Variants in GALNT13 observed in about 807,000 individuals in gnomAD.
GALNT13 encodes the protein UDP-GalNAc:polypeptide N-acetylgalactosaminyltransferase 13.
In GALNT13, 28 loss-of-function variants were observed where a neutral mutation model predicts 64.2. That is an observed-to-expected ratio of 0.44 (90% CI 0.32 to 0.60). The LOEUF (loss-of-function observed/expected upper bound fraction) is 0.60, where lower values mean the gene tolerates loss of function less well. Ranked by LOEUF, GALNT13 falls within the 20% of genes least tolerant of loss-of-function variation. GALNT13 has a pLI of 0.05. For missense variants in GALNT13, 577 were observed against 669.8 expected, an observed-to-expected ratio of 0.86 and a Z score of 1.53; for synonymous variants, 214 against 224.6, an observed-to-expected ratio of 0.95 and a Z score of 0.42.
the GALNT13 span, among the ~76,000 whole-genome samples, chr2:153,507,217 G>A: frequency 0.088 from 13,285 of 151,428 alleles, 834 homozygotes; most frequent in Non-Finnish European, 0.12. Context: ...TTTTTTATTC[G>A]TTATTTCACT....
the GALNT13 span, among the ~76,000 whole-genome samples, chr2:153,329,525 T>A: frequency 6.6e-6 from 1 of 152,204 alleles, no homozygotes; most frequent in Admixed American, 6.5e-5. Context: ...CTCTGATGAT[T>A]ACTGATGCTG....
chr2:153,754,927 T>C, the GALNT13 span, among the ~76,000 whole-genome samples: 1 of 152,134 alleles, frequency 6.6e-6, no homozygotes, highest in Non-Finnish European at 1.5e-5. Flanking sequence ...CCTCCATGGG[T>C]GGATGCCAGC....
chr2:154,303,322 C>T (rs1021118645), intron 9 of GALNT13, among the ~76,000 whole-genome samples: 1 of 151,968 alleles, frequency 6.6e-6, no homozygotes, highest in Admixed American at 6.6e-5. Flanking sequence ...GGATCAGGTG[C>T]GCCCTTTACA....
Position 154,052,500 on chromosome 2 carries a change from AT to A in GALNT13, c.143-87829del, listed in dbSNP as rs529029892. On this transcript the variant is annotated intron_variant, in intron 3 of 12. Coordinates refer to ENST00000392825, the MANE Select transcript of GALNT13 (RefSeq NM_052917.4). Reference sequence around the variant, plus strand: ...CTTAGAATTTTGTGTTTCTTTTACTATTTTTTTTCATTTTTCATTGAATCAC... The same window carrying A: ...CTTAGAATTTTGTGTTTCTTTTACTATTTTTTTCATTTTTCATTGAATCAC... Among the ~76,000 whole-genome samples the A allele has an allele frequency of 2.0e-3, 300 of 151,138 alleles. 2 individuals carry two copies. The highest frequency in any genetic ancestry group is 6.5e-3 in the African/African-American group (266 of 41,206).
intron 3 of GALNT13, among the ~76,000 whole-genome samples, chr2:153,974,537 A>G (rs1318791520): frequency 6.6e-6 from 1 of 152,104 alleles, no homozygotes; most frequent in East Asian, 1.9e-4. Flanking sequence ...AAAGTAGGCA[A>G]AATTATTTTG....
chr2:154,102,250 C>G (rs940030283), intron 3 of GALNT13, among the ~76,000 whole-genome samples: 5 of 152,052 alleles, frequency 3.3e-5, no homozygotes, highest in Non-Finnish European at 7.4e-5. Flanking sequence ...CTTCTACAAC[C>G]ACAGCTAGTG....
the GALNT13 span, among the ~76,000 whole-genome samples, chr2:153,485,966 T>C: frequency 6.6e-6 from 1 of 152,240 alleles, no homozygotes; most frequent in South Asian, 2.1e-4. Context: ...TCCAAGAGTC[T>C]TTCTCTGTCA....
the GALNT13 span, among the ~76,000 whole-genome samples, chr2:153,736,733 T>C: frequency 6.6e-6 from 1 of 152,206 alleles, no homozygotes; most frequent in South Asian, 2.1e-4. Flanking sequence ...GGGTTCATTT[T>C]ACATTTTACC....
At chr2:153,206,744 T>C in the GALNT13 span, among the ~76,000 whole-genome samples, 1 of 152,188 alleles carries the variant, frequency 6.6e-6, no homozygotes, top group South Asian at 2.1e-4. Flanking sequence ...GAAATGGTGA[T>C]GTGATTATGA....
At chr2:153,301,315 A>AAAAAAAAAAAAAAG in the GALNT13 span, among the ~76,000 whole-genome samples, 2 of 141,242 alleles carry the variant, frequency 1.4e-5, no homozygotes, top group African/African-American at 2.6e-5. Context: ...TTCTCAAAAA[A>AAAAAAAAAAAAAAG]AAAGAAAAAA....
chr2:153,222,115 C>A, the GALNT13 span, among the ~76,000 whole-genome samples: 1 of 151,976 alleles, frequency 6.6e-6, no homozygotes. Context: ...ATGAGGTATG[C>A]GGACAACTGG....
chr2:153,098,547 A>G, the GALNT13 span, among the ~76,000 whole-genome samples: 14 of 152,138 alleles, frequency 9.2e-5, no homozygotes, highest in Non-Finnish European at 1.8e-4. Context: ...GAAACCATGT[A>G]TTTTTCATGA....
At chr2:153,866,422 A>T in the GALNT13 span, among the ~76,000 whole-genome samples, 1 of 152,190 alleles carries the variant, frequency 6.6e-6, no homozygotes, top group Non-Finnish European at 1.5e-5. Flanking sequence ...ATAAACAAAT[A>T]AATCTATTTT....
At chr2:154,323,123 C>T (rs539345395) in intron 9 of GALNT13, among the ~76,000 whole-genome samples, 3 of 151,480 alleles carry the variant, frequency 2.0e-5, no homozygotes, top group South Asian at 2.1e-4. Context: ...GGATTATAAA[C>T]GCCATGTTTC....
At chr2:153,958,682 A>G (rs1286378892) in intron 3 of GALNT13, among the ~76,000 whole-genome samples, 2 of 152,102 alleles carry the variant, frequency 1.3e-5, no homozygotes, top group East Asian at 3.9e-4. Context: ...TTTCCCTTTT[A>G]CATTCCCACT....
At chr2:154,227,210 A>G (rs894714815) in intron 4 of GALNT13, among the ~76,000 whole-genome samples, 1 of 152,010 alleles carries the variant, frequency 6.6e-6, no homozygotes, top group Non-Finnish European at 1.5e-5. Flanking sequence ...TCTGCTGATG[A>G]TGTGGGGAGG....
the GALNT13 span, among the ~76,000 whole-genome samples, chr2:153,404,139 A>C: frequency 6.6e-6 from 1 of 152,190 alleles, no homozygotes. Context: ...GGAGTGGGTT[A>C]GTGACTTAAA....
Position 154,168,673 on chromosome 2 carries a change from T to TAAAA in GALNT13, c.311+28185_311+28188dup, listed in dbSNP as rs70983708. On this transcript the variant is annotated intron_variant, in intron 4 of 12. Coordinates refer to ENST00000392825, the MANE Select transcript of GALNT13 (RefSeq NM_052917.4). ...CATAGTGAAACCTCATCTCTACTAT[T>TAAAA]AAAAAAAAAAAAAAAAAAAAGTAGC... is the stretch of plus-strand genomic sequence containing the variant. Among the ~76,000 whole-genome samples, 46 of 101,106 alleles carry TAAAA rather than the reference T, an allele frequency of 4.5e-4. 3 individuals carry two copies. The highest frequency in any genetic ancestry group is 5.6e-3 in the Middle Eastern group (1 of 180). 66.3% of individuals were successfully genotyped at this position (101,106 alleles called of 152,430 possible).
intron 3 of GALNT13, among the ~76,000 whole-genome samples, chr2:154,075,002 C>T (rs1700913038): frequency 6.6e-6 from 1 of 151,782 alleles, no homozygotes; most frequent in South Asian, 2.1e-4. Context: ...AGACAAGATG[C>T]TCACTCTCAC....
Sources: allele counts gnomAD v4.1 joint callset (sites outside exome capture counted in the v4.1 genomes callset), GRCh38; gene constraint gnomAD v4.1.1; transcripts MANE v1.5; gene names NCBI Gene and HGNC (gene_info 2026-07-23, HGNC 2026-07-21).